MTRES1: variants seen among roughly 807,000 people sequenced by gnomAD.
MTRES1 encodes the protein mitochondrial transcription rescue factor 1, also known as uncharacterized protein C6orf203.
Under a neutral mutation model 17.4 loss-of-function variants are expected in MTRES1, and 11 were observed. The ratio of observed to expected loss-of-function variants is 0.63; its 90% confidence interval spans 0.40 to 1.05. MTRES1 has a LOEUF of 1.05. MTRES1 is among the 50% of genes least tolerant of loss of function. MTRES1 has a pLI of 0.00. For synonymous variants in MTRES1, 94 were observed against 99.6 expected (o/e 0.94, Z 0.34); for missense variants, 268 against 276.2 (o/e 0.97, Z 0.21).
intron 1 of MTRES1, 103 bp from the exon 2 acceptor site, chr6:107,039,646 G>T: frequency 8.0e-7 from 1 of 1,256,310 alleles, no homozygotes; most frequent in Non-Finnish European, 1.1e-6. Context: ...GGGCGAATAC[G>T]TATAGTACTG....
chr6:107,038,633 GA>G (rs1554227181), intron 1 of MTRES1, among the ~76,000 whole-genome samples: 1 of 152,226 alleles, frequency 6.6e-6, no homozygotes, highest in Non-Finnish European at 1.5e-5. Context: ...GCTGGAGGTT[GA>G]AATAAAGTTT....
At chr6:107,042,750 C>A (rs917104341) in intron 2 of MTRES1, among the ~76,000 whole-genome samples, 1 of 152,164 alleles carries the variant, frequency 6.6e-6, no homozygotes, top group Non-Finnish European at 1.5e-5. Context: ...AGTGCCCACT[C>A]ACTTTGGCTG....
At chr6:107,047,170 C>T (rs988695263) in intron 3 of MTRES1, among the ~76,000 whole-genome samples, 4 of 152,008 alleles carry the variant, frequency 2.6e-5, no homozygotes, top group Non-Finnish European at 1.5e-5. Context: ...CACAGTATCT[C>T]TATGAAAGGA....
chr6:107,050,865 C>CGT (rs1774579332), intron 3 of MTRES1, among the ~76,000 whole-genome samples, 192 bp from the exon 4 acceptor site: 1 of 152,168 alleles, frequency 6.6e-6, no homozygotes, highest in Non-Finnish European at 1.5e-5. Context: ...GCGTGAGCCA[C>CGT]CGCACCTGAC....
At chr6:107,050,473 C>T (rs1041674190) in intron 3 of MTRES1, among the ~76,000 whole-genome samples, 1 of 150,772 alleles carries the variant, frequency 6.6e-6, no homozygotes, top group Non-Finnish European at 1.5e-5. Flanking sequence ...GGACTATCCA[C>T]AGCCAGCCAG....
intron 1 of MTRES1, among the ~76,000 whole-genome samples, chr6:107,039,286 ATTGATATGACCCTGTTT>A (rs1774107643): frequency 6.6e-6 from 1 of 151,796 alleles, no homozygotes; most frequent in South Asian, 2.1e-4. Context: ...GTACATGCAG[ATTGATATGACCCTGTTT>A]TTGTTTTTTT....
intron 1 of MTRES1, among the ~76,000 whole-genome samples, chr6:107,036,775 A>C (rs1268164458): frequency 6.6e-6 from 1 of 151,534 alleles, no homozygotes; most frequent in African/African-American, 2.4e-5. Context: ...GCGTGAACCC[A>C]GGAGGCGGAG....
At chr6:107,046,956 G>A (rs1287896995) in intron 3 of MTRES1, among the ~76,000 whole-genome samples, 1 of 150,548 alleles carries the variant, frequency 6.6e-6, no homozygotes, top group Non-Finnish European at 1.5e-5. Flanking sequence ...GTGTGTGTGT[G>A]TGTGTGTGTG....
chr6:107,029,715 C>T (rs1264145614), intron 1 of MTRES1, among the ~76,000 whole-genome samples: 3 of 148,372 alleles, frequency 2.0e-5, no homozygotes, highest in African/African-American at 5.0e-5. Flanking sequence ...AACTCCTGGC[C>T]TCAAGTGATC....
chr6:107,049,173 C>CA (rs879983307), intron 3 of MTRES1, among the ~76,000 whole-genome samples: 37 of 152,098 alleles, frequency 2.4e-4, no homozygotes, highest in Non-Finnish European at 4.9e-4. Context: ...CCTTAAAGAA[C>CA]ATTAATTGTA....
At chr6:107,047,203 T>C (rs1303944585) in intron 3 of MTRES1, among the ~76,000 whole-genome samples, 2 of 152,060 alleles carry the variant, frequency 1.3e-5, no homozygotes, top group African/African-American at 2.4e-5. Context: ...ATCCTTTTCT[T>C]TGTATATTTT....
chr6:107,041,565 G>C (rs918109840), intron 2 of MTRES1, among the ~76,000 whole-genome samples: 1 of 151,852 alleles, frequency 6.6e-6, no homozygotes, highest in African/African-American at 2.4e-5. Context: ...TTGCTCTGTT[G>C]CCCAGGCTGG....
chr6:107,037,606 C>T (rs1294989221), intron 1 of MTRES1, among the ~76,000 whole-genome samples: 1 of 152,182 alleles, frequency 6.6e-6, no homozygotes, highest in Non-Finnish European at 1.5e-5. Context: ...ATTATTCATT[C>T]TCTATTACGC....
intron 3 of MTRES1, among the ~76,000 whole-genome samples, chr6:107,049,679 C>T (rs1417095131): frequency 2.0e-5 from 3 of 148,120 alleles, no homozygotes; most frequent in Non-Finnish European, 3.0e-5. Context: ...TCCCAAAGTA[C>T]TGGGATTACA....
intron 3 of MTRES1, among the ~76,000 whole-genome samples, chr6:107,047,200 T>G (rs946771585): frequency 6.6e-6 from 1 of 152,088 alleles, no homozygotes; most frequent in African/African-American, 2.4e-5. Flanking sequence ...AGTATCCTTT[T>G]CTTTGTATAT....
At chr6:107,043,107 G>A (rs12663064) in intron 2 of MTRES1, among the ~76,000 whole-genome samples, 41,303 of 151,382 alleles carry the variant, frequency 0.27, 5,812 homozygotes, top group South Asian at 0.34. Context: ...TGAGGTGGGC[G>A]GATCATGAGG....
Position 107,051,381 on chromosome 6 carries a change from G to C in MTRES1, c.*145G>C. ...TTTGTGGAAATTGGGATCCATATCT[G>C]GAGACACTTCCCAAGGCCTGCCTCA... is the stretch of plus-strand genomic sequence containing the variant. On this transcript the variant is annotated 3_prime_UTR_variant, in exon 4 of 4. Transcript: ENST00000311381. The C allele has an allele frequency of 1.4e-6, 1 of 694,952 alleles. No homozygotes were observed. The highest frequency in any genetic ancestry group is 2.9e-5 in the East Asian group (1 of 34,964). 43.0% of individuals were successfully genotyped at this position (694,952 alleles called of 1,614,324 possible).
chr6:107,046,860 C>A (rs1774406495), intron 3 of MTRES1, among the ~76,000 whole-genome samples: 1 of 151,986 alleles, frequency 6.6e-6, no homozygotes, highest in Non-Finnish European at 1.5e-5. Context: ...TCATCTCTTC[C>A]TGGGATCAGT....
In MTRES1 at chr6:107,044,340, A is replaced by C. The variant is rs1554228165; in HGVS notation, c.543+8A>C. On this transcript the variant is annotated splice_region_variant and intron_variant, in intron 3 of 3. Transcript: ENST00000311381. Reference sequence around the variant, plus strand: ...TGGAAGAAAAGCAGAACGGTGAGATACTAACCTAAAATGACAGCCAGATGT... The same window carrying C: ...TGGAAGAAAAGCAGAACGGTGAGATCCTAACCTAAAATGACAGCCAGATGT... 1 of 1,607,514 alleles carries C rather than the reference A, an allele frequency of 6.2e-7. No homozygotes were observed. Among genetic ancestry groups the C allele is most frequent in the African/African-American group, 1.3e-5 (1 of 74,822 alleles).
Sources: gnomAD v4.1 joint callset for allele counts (sites outside exome capture counted in the v4.1 genomes callset) on GRCh38, gnomAD v4.1.1 for gene constraint, MANE v1.5 for transcripts, NCBI Gene and HGNC (gene_info 2026-07-23, HGNC 2026-07-21) for gene names.